Variants in GRM7 observed in about 807,000 individuals in gnomAD.
The protein encoded by GRM7 is glutamate metabotropic receptor 7, also known as metabotropic glutamate receptor 7.
A neutral mutation model predicts 84.5 loss-of-function variants in GRM7; 35 were observed. The ratio of observed to expected loss-of-function variants is 0.41; its 90% CI spans 0.32 to 0.55. The LOEUF (loss-of-function observed/expected upper bound fraction) is 0.55. Among genes scored for constraint, GRM7 ranks in the 20% least tolerant of loss-of-function variants. The pLI, the probability that GRM7 is intolerant of heterozygous loss-of-function variation, is 0.19. For synonymous variants in GRM7, 487 were observed against 455.1 expected, an observed-to-expected ratio of 1.07 and a Z score of -0.89; for missense variants, 1,003 against 1,194.6, an observed-to-expected ratio of 0.84 and a Z score of 2.36.
intron 7 of GRM7, among the ~76,000 whole-genome samples, chr3:7,504,092 T>G (rs897740279): frequency 1.2e-4 from 18 of 152,258 alleles, no homozygotes; most frequent in Admixed American, 5.9e-4. Context: ...CTCAAATGTA[T>G]GAAAAAAAGT....
chr3:7,484,092 A>G (rs1699233684), intron 7 of GRM7, among the ~76,000 whole-genome samples: 1 of 152,234 alleles, frequency 6.6e-6, no homozygotes, highest in African/African-American at 2.4e-5. Flanking sequence ...ATAGTTTTGA[A>G]TAGTTGTCAC....
intron 2 of GRM7, among the ~76,000 whole-genome samples, chr3:7,161,360 C>T (rs1160035551): frequency 1.3e-5 from 2 of 150,554 alleles, no homozygotes; most frequent in Non-Finnish European, 2.9e-5. Context: ...TGGGTCAAAT[C>T]GCTAGTAGTT....
intron 1 of GRM7, among the ~76,000 whole-genome samples, chr3:7,089,055 C>G (rs1299774877): frequency 6.6e-6 from 1 of 152,128 alleles, no homozygotes; most frequent in Non-Finnish European, 1.5e-5. Context: ...GGTCTGGACA[C>G]TTCCCATTAC....
chr3:7,482,096 G>A (rs548703342), intron 7 of GRM7, among the ~76,000 whole-genome samples: 6 of 152,282 alleles, frequency 3.9e-5, no homozygotes, highest in African/African-American at 1.4e-4. Context: ...GCTGAGGCAG[G>A]AGAATGGCGT....
chr3:7,653,910 G>A (rs772339342), intron 8 of GRM7, among the ~76,000 whole-genome samples: 1 of 152,160 alleles, frequency 6.6e-6, no homozygotes, highest in Admixed American at 6.5e-5. Flanking sequence ...GATGGGGCCA[G>A]GGTTCTAAGA....
chr3:7,702,312 TCA>T (rs1242536951), intron 9 of GRM7, among the ~76,000 whole-genome samples: 7 of 152,200 alleles, frequency 4.6e-5, no homozygotes, highest in African/African-American at 9.6e-5. Context: ...TCCACATTTT[TCA>T]CAGTCTCCTG....
rs763948566 is a variant in GRM7 at position 7,306,504 on chromosome 3, C to G, written c.885C>G (p.Ile295Met). 1.2e-6 allele frequency: 2 copies of G among 1,613,538 alleles called. No individual in the cohort carries two copies. Among genetic ancestry groups the G allele is most frequent in the Non-Finnish European group, 1.7e-6 (2 of 1,179,532 alleles). ...IFANDEDIKQ[I>M]LAAAKRADQV... The stretch of plus-strand genomic sequence containing the variant: ...TCCATATTTCTTTCCACAGGCAGAT[C>G]CTTGCAGCAGCCAAAAGAGCTGACC... The change falls in exon 4 of 10, where the codon ATC (isoleucine) becomes ATG (methionine). Residue 295 changes from isoleucine (I) to methionine (M), a missense_variant. Coordinates refer to ENST00000357716, the MANE Select transcript of GRM7 (RefSeq NM_000844.4).
intron 4 of GRM7, among the ~76,000 whole-genome samples, chr3:7,381,346 C>G (rs1452962330): frequency 6.6e-6 from 1 of 152,070 alleles, no homozygotes; most frequent in Non-Finnish European, 1.5e-5. Context: ...CTTTTCCCTA[C>G]TCATTAATAT....
chr3:6,947,696 G>T (rs1424193997), intron 1 of GRM7, among the ~76,000 whole-genome samples: 1 of 152,022 alleles, frequency 6.6e-6, no homozygotes, highest in Non-Finnish European at 1.5e-5. Flanking sequence ...GACTTTTTTT[G>T]GTTGGTAAGC....
intron 7 of GRM7, among the ~76,000 whole-genome samples, chr3:7,465,899 C>T (rs1320849775): frequency 6.6e-6 from 1 of 152,108 alleles, no homozygotes; most frequent in Admixed American, 6.5e-5. Context: ...AGTGTGCTGT[C>T]TGCGGTAAAA....
intron 8 of GRM7, among the ~76,000 whole-genome samples, chr3:7,639,041 T>C (rs996460399): frequency 1.3e-5 from 2 of 152,202 alleles, no homozygotes; most frequent in African/African-American, 4.8e-5. Context: ...CCTAATTTGC[T>C]TGACCCCCTC....
At chr3:7,365,801 G>A (rs1376002256) in intron 4 of GRM7, among the ~76,000 whole-genome samples, 2 of 150,554 alleles carry the variant, frequency 1.3e-5, no homozygotes, top group East Asian at 2.0e-4. Context: ...TCACACTTGC[G>A]GTTTATAATT....
chr3:7,068,175 T>C (rs1277421276), intron 1 of GRM7, among the ~76,000 whole-genome samples: 1 of 152,006 alleles, frequency 6.6e-6, no homozygotes, highest in Non-Finnish European at 1.5e-5. Context: ...TTAGAAGTGA[T>C]TACTGATAGA....
intron 1 of GRM7, among the ~76,000 whole-genome samples, chr3:6,901,242 A>C (rs1040299027): frequency 6.6e-6 from 1 of 152,204 alleles, no homozygotes; most frequent in Non-Finnish European, 1.5e-5. Context: ...GAGAAGTACA[A>C]ATATTAATAG....
intron 5 of GRM7, among the ~76,000 whole-genome samples, chr3:7,445,179 G>A (rs1343824560): frequency 6.6e-6 from 1 of 152,062 alleles, no homozygotes; most frequent in Non-Finnish European, 1.5e-5. Flanking sequence ...GGTATAAGAG[G>A]ATGTAAATAA....
chr3:7,736,230 C>T (rs990811399), intron 9 of GRM7, among the ~76,000 whole-genome samples: 1 of 151,740 alleles, frequency 6.6e-6, no homozygotes, highest in Non-Finnish European at 1.5e-5. Context: ...TTATTTATTC[C>T]TTTGCATAAG....
At chr3:7,510,435 C>G (rs946919994) in intron 7 of GRM7, among the ~76,000 whole-genome samples, 6 of 152,106 alleles carry the variant, frequency 3.9e-5, no homozygotes, top group African/African-American at 1.4e-4. Flanking sequence ...CTATTACAGT[C>G]CCCTGAGTAT....
intron 9 of GRM7, among the ~76,000 whole-genome samples, chr3:7,702,607 T>G (rs747011958): frequency 7.9e-5 from 12 of 152,230 alleles, no homozygotes; most frequent in Non-Finnish European, 1.6e-4. Flanking sequence ...ATACTGCAAG[T>G]TATAATTTCA....
chr3:7,380,878 C>G (rs1308321879), intron 4 of GRM7, among the ~76,000 whole-genome samples: 1 of 152,096 alleles, frequency 6.6e-6, no homozygotes, highest in East Asian at 1.9e-4. Flanking sequence ...GTATATAACC[C>G]TGGAGAAACT....
Sources: gnomAD v4.1 joint callset for allele counts (sites outside exome capture counted in the v4.1 genomes callset) on GRCh38, gnomAD v4.1.1 for gene constraint, MANE v1.5 for transcripts, NCBI Gene and HGNC (gene_info 2026-07-23, HGNC 2026-07-21) for gene names.